Variants in PDLIM3 observed in about 807,000 individuals in gnomAD.
PDLIM3 encodes PDZ and LIM domain protein 3.
A neutral mutation model predicts 37.3 loss-of-function variants in PDLIM3; 36 were observed. That is an observed-to-expected ratio of 0.97 (90% confidence interval 0.74 to 1.28). PDLIM3 has a LOEUF of 1.28. PDLIM3 is among the 50% of genes most tolerant of loss of function. The probability of loss-of-function intolerance (pLI) is 0.00; values close to 1 mark genes in which losing one functional copy is unlikely to be tolerated. For missense variants in PDLIM3, 454 were observed against 485.0 expected, an observed-to-expected ratio of 0.94 and a Z score of 0.60; for synonymous variants, 174 against 182.4, an observed-to-expected ratio of 0.95 and a Z score of 0.37.
chr4:185,531,808 C>T (rs1424586487), intron 1 of PDLIM3, among the ~76,000 whole-genome samples: 1 of 151,482 alleles, frequency 6.6e-6, no homozygotes, highest in Admixed American at 6.6e-5. Flanking sequence ...AAAACTGACA[C>T]ATCAGCCAGG....
chr4:185,523,228 C>T (rs1413518379), intron 3 of PDLIM3, 134 bp downstream of exon 3: 5 of 651,032 alleles, frequency 7.7e-6, no homozygotes, highest in African/African-American at 3.7e-5. Flanking sequence ...AAATTAATCT[C>T]GGAGAGGAAT....
intron 4 of PDLIM3, chr4:185,512,092 TC>T (rs1315246209): frequency 8.4e-5 from 7 of 83,242 alleles, no homozygotes; most frequent in African/African-American, 2.2e-4. Flanking sequence ...CTCTTATAAT[TC>T]TTTTTTTTTT....
Position 185,504,955 on chromosome 4 carries a change from C to T in PDLIM3, c.794-369G>A, listed in dbSNP as rs915181770. On this transcript the variant is annotated intron_variant, in intron 6 of 7. Coordinates refer to ENST00000284767, the MANE Select transcript of PDLIM3 (RefSeq NM_014476.6). The surrounding 1 kb of genome is among the most constrained non-coding windows in gnomAD (Gnocchi z 4.7). Reference sequence around the variant, plus strand: ...TTGTGCAAGCACTGCCAATATCCACCTCCAGAACTATTTCTTCACCTCACA... The same window carrying T: ...TTGTGCAAGCACTGCCAATATCCACTTCCAGAACTATTTCTTCACCTCACA... Among the ~76,000 whole-genome samples the T allele has an allele frequency of 2.0e-5, 3 of 152,090 alleles. No individual in the cohort carries two copies. The highest frequency in any genetic ancestry group is 7.2e-5 in the African/African-American group (3 of 41,408).
Position 185,506,554 on chromosome 4 carries a change from C to A in PDLIM3, c.761G>T (p.Arg254Ile), listed in dbSNP as rs1212344585. The A allele has an allele frequency of 6.2e-7, 1 of 1,613,712 alleles. No individual in the cohort carries two copies. Among genetic ancestry groups the A allele is most frequent in the South Asian group, 1.1e-5 (1 of 91,078 alleles). ...ATCGTCCACCATTCCCTGGAGCACT[C>A]TGAAGGAGCCCGACTGGCGAGGCTG... ...PTQPRQSGSFRVLQGMVDDGS... is the reference protein window; with the variant it reads ...PTQPRQSGSFIVLQGMVDDGS... Residue 254 changes from arginine (R) to isoleucine (I), a missense_variant, in exon 6 of 8, where the codon AGA (arginine) becomes ATA (isoleucine). Coordinates refer to ENST00000284767, the MANE Select transcript of PDLIM3 (RefSeq NM_014476.6).
chr4:185,526,794 C>G, intron 1 of PDLIM3, among the ~76,000 whole-genome samples: 1 of 152,132 alleles, frequency 6.6e-6, no homozygotes, highest in Non-Finnish European at 1.5e-5. Flanking sequence ...TTCTCATGCA[C>G]TCTTATTTCT....
rs557718466 is a variant in PDLIM3, at chr4:185,535,326, G to T, written c.93+16C>A. ...AGTCCCCACCTCGCAGCAAAAGCAA[G>T]AATGCCGACACCTACCCTGGTGATG... On this transcript the variant is annotated intron_variant, in intron 1 of 7. Transcript: ENST00000284767. The T allele has an allele frequency of 8.4e-5, 134 of 1,598,508 alleles. 1 individual carries two copies. In the South Asian group the frequency reaches 1.5e-3, roughly 18 times the overall value.
chr4:185,513,498 G>A, intron 4 of PDLIM3: 10 of 965,904 alleles, frequency 1.0e-5, no homozygotes, highest in Non-Finnish European at 1.2e-5. Flanking sequence ...TAAATGTTCT[G>A]TCTAAAGGCA....
Position 185,502,209 on chromosome 4 carries a change from C to G in PDLIM3, c.*85G>C. The G allele has an allele frequency of 7.3e-7, 1 of 1,366,402 alleles. No individual in the cohort carries two copies. The highest frequency in any genetic ancestry group is 1.0e-6 in the Non-Finnish European group (1 of 956,998). 84.6% of individuals were successfully genotyped at this position (1,366,402 alleles called of 1,614,324 possible). A position where few individuals can be genotyped will look rare whatever the true frequency, so the allele number is the denominator to read the frequency against. The stretch of plus-strand genomic sequence containing the variant: ...TTAGATTTGGAGTTGACAATCTGCA[C>G]AATCCTTCTGCCCAAAGCCATGAAT... On this transcript the variant is annotated 3_prime_UTR_variant, in exon 8 of 8. Transcript: ENST00000284767.
chr4:185,535,500 G>A lies in PDLIM3; in HGVS notation c.-66C>T, dbSNP rs2153340696. 5 of 1,408,770 alleles carry A rather than the reference G, an allele frequency of 3.5e-6. No individual in the cohort carries two copies. The highest frequency in any genetic ancestry group is 1.3e-5 in the South Asian group (1 of 78,648). 87.3% of individuals were successfully genotyped at this position (1,408,770 alleles called of 1,614,324 possible). On this transcript the variant is annotated 5_prime_UTR_variant, in exon 1 of 8. Coordinates refer to ENST00000284767, the MANE Select transcript of PDLIM3 (RefSeq NM_014476.6). ...GCAGGGCAGCCACTCCGCGCCGGGCGGCGTCCTGGCCCCGACCCGGGCGGG... is the reference window on the plus strand; with the variant it reads ...GCAGGGCAGCCACTCCGCGCCGGGCAGCGTCCTGGCCCCGACCCGGGCGGG...
At chr4:185,534,235 T>C (rs867109263) in intron 1 of PDLIM3, among the ~76,000 whole-genome samples, 16 of 152,184 alleles carry the variant, frequency 1.1e-4, no homozygotes, top group African/African-American at 3.9e-4. Context: ...TAGGCATATA[T>C]AAATAAAACA....
rs1485624842 is a variant in PDLIM3, at chr4:185,502,021, T to C, written c.*273A>G. 1 of 487,068 alleles carries C rather than the reference T, an allele frequency of 2.1e-6. No homozygotes were observed. Among genetic ancestry groups the C allele is most frequent in the Non-Finnish European group, 3.8e-6 (1 of 266,502 alleles). 30.2% of individuals were successfully genotyped at this position (487,068 alleles called of 1,614,324 possible). On this transcript the variant is annotated 3_prime_UTR_variant, in exon 8 of 8. Transcript: ENST00000284767. ...ATGGCTGTAATATACATGTAAATTG[T>C]GGAGTATGACATACAAAAAATTATT...
intron 3 of PDLIM3, among the ~76,000 whole-genome samples, chr4:185,518,551 G>A (rs755470281): frequency 7.2e-5 from 11 of 152,004 alleles, no homozygotes; most frequent in Non-Finnish European, 1.6e-4. Flanking sequence ...TCTATGAAGT[G>A]ATCTTATATT....
chr4:185,527,588 T>C (rs1434328009), intron 1 of PDLIM3, among the ~76,000 whole-genome samples: 3 of 152,212 alleles, frequency 2.0e-5, no homozygotes, highest in Non-Finnish European at 4.4e-5. Context: ...CATAGCCGTT[T>C]TCCATTTAGA....
chr4:185,506,440 C>T (rs1257827827), intron 6 of PDLIM3, 82 bp downstream of exon 6: 8 of 1,560,840 alleles, frequency 5.1e-6, no homozygotes, highest in Admixed American at 1.7e-5. Flanking sequence ...CTTTCATTCC[C>T]AGTATGTTTG....
intron 1 of PDLIM3, among the ~76,000 whole-genome samples, chr4:185,528,358 C>T (rs1346748964): frequency 1.3e-5 from 2 of 152,084 alleles, no homozygotes; most frequent in Non-Finnish European, 1.5e-5. Context: ...GAGCCATACC[C>T]CTGATATTGG....
chr4:185,534,957 A>C (rs1041029892), intron 1 of PDLIM3, among the ~76,000 whole-genome samples: 1 of 152,186 alleles, frequency 6.6e-6, no homozygotes, highest in Non-Finnish European at 1.5e-5. Context: ...CCCGGGACCC[A>C]TCATTTGTTA....
chr4:185,512,270 A>G (rs546739039), intron 4 of PDLIM3: 2 of 152,258 alleles, frequency 1.3e-5, no homozygotes, highest in East Asian at 3.9e-4. Flanking sequence ...TTTGGTAGAC[A>G]TGGGGTTACA....
At chr4:185,510,464 C>A (rs1472285973) in intron 4 of PDLIM3, among the ~76,000 whole-genome samples, 1 of 152,082 alleles carries the variant, frequency 6.6e-6, no homozygotes, top group African/African-American at 2.4e-5. Context: ...ACTTAACTAC[C>A]AATAGCCTAC....
Position 185,523,130 on chromosome 4 carries a change from C to G in PDLIM3, c.330+232G>C, listed in dbSNP as rs2095725513. The stretch of plus-strand genomic sequence containing the variant: ...TGGACTCTGTAGATTTAGCCAAATT[C>G]TTTCTGATGGGAGCATATTTTGTCT... On this transcript the variant is annotated intron_variant, in intron 3 of 7. Transcript: ENST00000284767. 5.3e-5 allele frequency: 25 copies of G among 470,388 alleles called. 1 individual carries two copies. The South Asian group carries it at 6.5e-4, about 12-fold the overall frequency. 29.1% of individuals were successfully genotyped at this position (470,388 alleles called of 1,614,324 possible). A position where few individuals can be genotyped will look rare whatever the true frequency, so the allele number is the denominator to read the frequency against.
Sources: gnomAD v4.1 joint callset for allele counts (sites outside exome capture counted in the v4.1 genomes callset) on GRCh38, gnomAD v4.1.1 for gene constraint, Gnocchi (gnomAD v3.1) non-coding constraint, MANE v1.5 for transcripts, NCBI Gene and HGNC (gene_info 2026-07-23, HGNC 2026-07-21) for gene names.